ZBTB41: variants seen among roughly 807,000 people sequenced by gnomAD.
ZBTB41 encodes the protein zinc finger and BTB domain containing 41.
A neutral mutation model predicts 87.6 loss-of-function variants in ZBTB41; 42 were observed. That is an observed-to-expected ratio of 0.48 (90% CI 0.37 to 0.62). The LOEUF (loss-of-function observed/expected upper bound fraction) is 0.62, where lower values mean the gene tolerates loss of function less well. ZBTB41 is among the 20% of genes least tolerant of loss of function. The probability of loss-of-function intolerance (pLI) is 0.00; values close to 1 mark genes in which losing one functional copy is unlikely to be tolerated. For missense variants in ZBTB41, 799 were observed against 1,078.9 expected (o/e 0.74, Z 3.63); for synonymous variants, 364 against 364.0 (o/e 1.00, Z 0.00).
chr1:197,160,597 C>G (rs1230550747), intron 10 of ZBTB41, among the ~76,000 whole-genome samples: 5 of 152,066 alleles, frequency 3.3e-5, no homozygotes, highest in Non-Finnish European at 2.9e-5. Context: ...GAAGCTGGAC[C>G]TGTTTTTAGA....
At chr1:197,197,820 C>T (rs11800461) in intron 2 of ZBTB41, among the ~76,000 whole-genome samples, 11,872 of 152,172 alleles carry the variant, frequency 0.078, 1,529 homozygotes, top group African/African-American at 0.27. Flanking sequence ...TTGTGAATTA[C>T]GTAGTTCCCA....
At chr1:197,179,732 T>C (rs1385605517) in intron 6 of ZBTB41, among the ~76,000 whole-genome samples, 1 of 152,016 alleles carries the variant, frequency 6.6e-6, no homozygotes, top group Non-Finnish European at 1.5e-5. Flanking sequence ...TGTTTGTGTC[T>C]TTTGTTTTTA....
intron 8 of ZBTB41, chr1:197,176,011 C>G (rs917045916): frequency 6.6e-6 from 1 of 152,066 alleles, no homozygotes; most frequent in Non-Finnish European, 1.5e-5. Context: ...TCCTGAACAT[C>G]AATCTGAGAG....
intron 5 of ZBTB41, among the ~76,000 whole-genome samples, chr1:197,185,691 A>G (rs183188092): frequency 6.6e-6 from 1 of 152,222 alleles, no homozygotes; most frequent in East Asian, 1.9e-4. Context: ...CTTTCAATTT[A>G]TATGACTTTC....
At position 197,200,553 on chromosome 1, in the gene ZBTB41, A is replaced by G. The variant is rs1652724261; in HGVS notation, c.-80T>C. On this transcript the variant is annotated 5_prime_UTR_variant, in exon 2 of 11. Coordinates refer to ENST00000367405, the MANE Select transcript of ZBTB41 (RefSeq NM_194314.3). ...AAAGGAAAACTAGATTGTCTTGGAT[A>G]ACAGCTTCTGAAGGGGCGTGCCCAA... 1 of 1,407,014 alleles carries G rather than the reference A, an allele frequency of 7.1e-7. No homozygotes were observed. Among genetic ancestry groups the G allele is most frequent in the African/African-American group, 1.4e-5 (1 of 69,824 alleles). 87.2% of individuals were successfully genotyped at this position (1,407,014 alleles called of 1,614,324 possible). A position where few individuals can be genotyped will look rare whatever the true frequency, so the allele number is the denominator to read the frequency against.
At chr1:197,186,901 T>C (rs112182404) in intron 5 of ZBTB41, among the ~76,000 whole-genome samples, 6,065 of 151,272 alleles carry the variant, frequency 0.04, 403 homozygotes, top group African/African-American at 0.14. Context: ...CCAAAAAAAA[T>C]TGGGCCAAAG....
At chr1:197,183,915 T>C (rs996303453) in intron 5 of ZBTB41, among the ~76,000 whole-genome samples, 1 of 152,190 alleles carries the variant, frequency 6.6e-6, no homozygotes, top group Non-Finnish European at 1.5e-5. Flanking sequence ...TAACAGTTAG[T>C]AAGGTAAGTT....
chr1:197,157,160 C>T lies in ZBTB41; in HGVS notation c.*2199G>A, dbSNP rs923238210. 1 of 151,938 alleles carries T rather than the reference C, an allele frequency of 6.6e-6. No homozygotes were observed. Among genetic ancestry groups the T allele is most frequent in the Non-Finnish European group, 1.5e-5 (1 of 67,682 alleles). 9.4% of individuals were successfully genotyped at this position (151,938 alleles called of 1,614,324 possible). On this transcript the variant is annotated 3_prime_UTR_variant, in exon 11 of 11. Coordinates refer to ENST00000367405, the MANE Select transcript of ZBTB41 (RefSeq NM_194314.3). ...AAAAAAGTTCTGTGTAAACCAATTCCTACAATTAAATCATATATTTAAAGC... is the reference window on the plus strand; with the variant it reads ...AAAAAAGTTCTGTGTAAACCAATTCTTACAATTAAATCATATATTTAAAGC...
At chr1:197,194,439 T>C (rs1167230927) in intron 2 of ZBTB41, among the ~76,000 whole-genome samples, 1 of 152,148 alleles carries the variant, frequency 6.6e-6, no homozygotes, top group African/African-American at 2.4e-5. Context: ...AATTAATAAT[T>C]AGCAGCATTC....
chr1:197,188,779 G>T (rs1659947656), intron 4 of ZBTB41, among the ~76,000 whole-genome samples: 3 of 152,064 alleles, frequency 2.0e-5, no homozygotes, highest in African/African-American at 7.2e-5. Flanking sequence ...GGTTTTTTCA[G>T]TGTTGCCATA....
chr1:197,167,323 T>C (rs1255147264), intron 10 of ZBTB41, among the ~76,000 whole-genome samples: 1 of 151,980 alleles, frequency 6.6e-6, no homozygotes, highest in Non-Finnish European at 1.5e-5. Flanking sequence ...GCCTTTAGAG[T>C]AGCTCAGACT....
Position 197,200,297 on chromosome 1 carries a change from A to C in ZBTB41, c.177T>G (p.Asp59Glu). The C allele has an allele frequency of 2.5e-6, 4 of 1,613,966 alleles. No homozygotes were observed. In the South Asian group the frequency reaches 3.3e-5, roughly 13 times the overall value. The change falls in exon 2 of 11, where the codon GAT becomes GAG. Residue 59 changes from aspartate (D) to glutamate (E), a missense_variant. This residue lies in a region of ZBTB41 where 77 missense variants were observed against 68.4 expected (regional missense o/e 1.13). Transcript: ENST00000367405. ...HCYQELPPSP[D>E]QRKLLSSLQY... ...GCAAAGAACTTAAAAGCTTTCTCTG[A>C]TCTGGAGAGGGAGGAAGTTCCTGGT... is the stretch of plus-strand genomic sequence containing the variant.
chr1:197,196,111 A>G (rs1660155984), intron 2 of ZBTB41, among the ~76,000 whole-genome samples: 1 of 152,188 alleles, frequency 6.6e-6, no homozygotes, highest in South Asian at 2.1e-4. Flanking sequence ...AGATGTTACA[A>G]AGAATACTAG....
chr1:197,191,837 G>A lies in ZBTB41; in HGVS notation c.1183C>T (p.His395Tyr). ...TTAGACTTTGTTGAATAGCGCTGGT[G>A]ACAAATATCACACTCAAAGGGCTTC... Reference protein sequence around the residue: ...GEKPFECDICHQRYSTKSNLT... With the variant: ...GEKPFECDICYQRYSTKSNLT... The change falls in exon 3 of 11, where the codon CAC (histidine) becomes TAC (tyrosine). Residue 395 changes from histidine to tyrosine, a missense_variant. By Grantham distance (83) the His-to-Tyr change is moderately conservative. This residue lies in a region of ZBTB41 where 294 missense variants were observed against 340.1 expected (regional missense o/e 0.86). Transcript: ENST00000367405. The A allele has an allele frequency of 6.2e-7, 1 of 1,613,818 alleles. No individual in the cohort carries two copies.
At chr1:197,174,926 T>G (rs965624121) in intron 9 of ZBTB41, 84 bp downstream of exon 9, 12 of 1,065,334 alleles carry the variant, frequency 1.1e-5, no homozygotes, top group South Asian at 3.0e-5. Context: ...TAACTTCAAT[T>G]AAACAAAGTA....
At chr1:197,177,692 T>G (rs1659645453) in intron 7 of ZBTB41, among the ~76,000 whole-genome samples, 1 of 152,126 alleles carries the variant, frequency 6.6e-6, no homozygotes, top group Admixed American at 6.6e-5. Context: ...CTTGAATTAC[T>G]TTTATCTCCA....
intron 5 of ZBTB41, among the ~76,000 whole-genome samples, chr1:197,185,876 G>T (rs778614472): frequency 6.6e-6 from 1 of 152,072 alleles, no homozygotes; most frequent in Non-Finnish European, 1.5e-5. Flanking sequence ...CCATGTTCAT[G>T]GAAAGAAAGA....
intron 5 of ZBTB41, among the ~76,000 whole-genome samples, chr1:197,187,538 ATCACTG>A (rs548665357): frequency 4.6e-5 from 7 of 152,308 alleles, no homozygotes; most frequent in African/African-American, 1.7e-4. Context: ...TGTGATGTAA[ATCACTG>A]TTATACTATA....
Position 197,199,581 on chromosome 1 carries a change from G to A in ZBTB41, c.893C>T (p.Pro298Leu). 1.9e-6 allele frequency: 3 copies of A among 1,608,802 alleles called. No homozygotes were observed. The highest frequency in any genetic ancestry group is 2.5e-6 in the Non-Finnish European group (3 of 1,178,454). The change falls in exon 2 of 11, where the codon CCT becomes CTT. Residue 298 changes from proline (P) to leucine (L), a missense_variant. Transcript: ENST00000367405. The part of the protein sequence containing the change: ...EKSDRNDSED[P>L]GSEYNAEEDE... ...TTCTTCAGCATTATATTCACTTCCA[G>A]GGTCCTCAGAATCATTTCTATCTGA...
Sources: allele counts gnomAD v4.1 joint callset (sites outside exome capture counted in the v4.1 genomes callset), GRCh38; gene constraint gnomAD v4.1.1; regional missense constraint gnomAD v4.1.1; transcripts MANE v1.5; gene names NCBI Gene and HGNC (gene_info 2026-07-23, HGNC 2026-07-21).